The following PPM1E variants were observed in gnomAD, a reference collection of about 807,000 sequenced individuals.
The protein encoded by PPM1E is protein phosphatase 1E.
A neutral mutation model predicts 65.9 loss-of-function variants in PPM1E; 20 were observed. The observed-to-expected ratio is 0.30, with a 90% CI of 0.21 to 0.44. The LOEUF is 0.44. PPM1E is among the 20% of genes least tolerant of loss of function. The probability of loss-of-function intolerance (pLI) is 1.00; values close to 1 mark genes in which losing one functional copy is unlikely to be tolerated. For missense variants in PPM1E, 713 were observed against 953.1 expected (o/e 0.75, Z 3.32); for synonymous variants, 352 against 374.9 (o/e 0.94, Z 0.70).
intron 1 of PPM1E, among the ~76,000 whole-genome samples, chr17:58,887,735 C>A (rs938961629): frequency 6.6e-6 from 1 of 152,138 alleles, no homozygotes; most frequent in African/African-American, 2.4e-5. Flanking sequence ...TTGAATTTTT[C>A]CCTGAGTGAG....
chr17:58,814,105 AAAG>A lies in PPM1E; in HGVS notation c.464+57650_464+57652del, dbSNP rs1475583406. 5.3e-5 allele frequency among the ~76,000 whole-genome samples: 8 copies of A among 152,252 alleles called. No individual in the cohort carries two copies. In the East Asian group the frequency reaches 1.5e-3, roughly 29 times the overall value. ...TAAACAGAGTTTCCAATAACATGCT[AAAG>A]AAGAACACAGGAAAAAGCAGTGAAT... On this transcript the variant is annotated intron_variant, in intron 1 of 6. Coordinates refer to ENST00000308249, the MANE Select transcript of PPM1E (RefSeq NM_014906.5).
At chr17:58,789,615 G>C (rs573135610) in intron 1 of PPM1E, among the ~76,000 whole-genome samples, 1 of 151,996 alleles carries the variant, frequency 6.6e-6, no homozygotes, top group Non-Finnish European at 1.5e-5. Context: ...ATCCACTAGT[G>C]CTTTTCTTGC....
chr17:58,906,456 A>G (rs2051559224), intron 1 of PPM1E, among the ~76,000 whole-genome samples: 1 of 152,086 alleles, frequency 6.6e-6, no homozygotes, highest in Non-Finnish European at 1.5e-5. Flanking sequence ...CTCCCACCTC[A>G]ACCTCCCGAG....
At chr17:58,933,758 T>G (rs1057386507) in intron 1 of PPM1E, among the ~76,000 whole-genome samples, 63 of 148,506 alleles carry the variant, frequency 4.2e-4, no homozygotes, top group African/African-American at 1.6e-3. Context: ...ATCGCACCAT[T>G]GCACTCCAGC....
chr17:58,900,430 T>C (rs1415869220), intron 1 of PPM1E, among the ~76,000 whole-genome samples: 1 of 152,248 alleles, frequency 6.6e-6, no homozygotes, highest in Non-Finnish European at 1.5e-5. Context: ...AAAAAGCTTA[T>C]CACGCTCTGA....
At chr17:58,822,987 C>G (rs531002208) in intron 1 of PPM1E, among the ~76,000 whole-genome samples, 130 of 152,244 alleles carry the variant, frequency 8.5e-4, no homozygotes, top group Non-Finnish European at 1.6e-3. Context: ...AAAAATATGT[C>G]AAGAGAGCTG....
intron 1 of PPM1E, among the ~76,000 whole-genome samples, chr17:58,882,407 T>G (rs891952452): frequency 1.3e-5 from 2 of 152,126 alleles, no homozygotes; most frequent in African/African-American, 2.4e-5. Flanking sequence ...ATTTTTTTTT[T>G]GAGACGGAGT....
chr17:58,803,878 T>C (rs1567838194), intron 1 of PPM1E, among the ~76,000 whole-genome samples: 1 of 152,264 alleles, frequency 6.6e-6, no homozygotes, highest in Non-Finnish European at 1.5e-5. Context: ...TGAATTTAAG[T>C]TGAATAGTAG....
At chr17:58,964,070 A>G (rs965843506) in intron 2 of PPM1E, among the ~76,000 whole-genome samples, 1 of 152,194 alleles carries the variant, frequency 6.6e-6, no homozygotes, top group African/African-American at 2.4e-5. Flanking sequence ...CAAAGACAGG[A>G]CTGAGAATCA....
intron 1 of PPM1E, among the ~76,000 whole-genome samples, chr17:58,763,526 G>T (rs2049843693): frequency 6.6e-6 from 1 of 152,070 alleles, no homozygotes; most frequent in African/African-American, 2.4e-5. Flanking sequence ...ACAAAATCTT[G>T]GTGGGTAGCT....
intron 4 of PPM1E, among the ~76,000 whole-genome samples, chr17:58,971,005 C>T (rs2030575263): frequency 2.6e-5 from 4 of 151,980 alleles, no homozygotes. Flanking sequence ...ATGTTTACCT[C>T]ATTTGTTTTG....
At position 58,984,841 on chromosome 17, in the gene PPM1E, C is replaced by T. The variant is rs1320224843; in HGVS notation, c.*3810C>T. On this transcript the variant is annotated 3_prime_UTR_variant, in exon 7 of 7. Coordinates refer to ENST00000308249, the MANE Select transcript of PPM1E (RefSeq NM_014906.5). ...TGAAATAGGGAACTCCAGACTGACA[C>T]AGCAGTTGTTTTTGAAAAGGAAATA... 1 of 152,396 alleles carries T rather than the reference C, an allele frequency of 6.6e-6. No individual in the cohort carries two copies. The highest frequency in any genetic ancestry group is 1.5e-5 in the Non-Finnish European group (1 of 68,024). The allele number at this position is 152,396 out of a possible 1,614,324, so 9.4% of individuals were successfully genotyped here.
chr17:58,872,001 T>C lies in PPM1E; in HGVS notation c.465-83648T>C, dbSNP rs572282201. ...AAGTTTCAAATGAGATAAAAAGTTA[T>C]AGAAATGCTAATGAGGCTGGGCGTG... On this transcript the variant is annotated intron_variant, in intron 1 of 6. Coordinates refer to ENST00000308249, the MANE Select transcript of PPM1E (RefSeq NM_014906.5). Among the ~76,000 whole-genome samples the C allele has an allele frequency of 2.2e-4, 33 of 152,220 alleles. No individual in the cohort carries two copies. The South Asian group carries it at 3.3e-3, about 15-fold the overall frequency.
At chr17:58,814,293 A>G (rs1206449407) in intron 1 of PPM1E, among the ~76,000 whole-genome samples, 3 of 152,192 alleles carry the variant, frequency 2.0e-5, no homozygotes, top group East Asian at 1.9e-4. Context: ...CCAAGACACC[A>G]ATTTTATTGA....
At chr17:58,877,424 A>G (rs1434091645) in intron 1 of PPM1E, among the ~76,000 whole-genome samples, 1 of 152,230 alleles carries the variant, frequency 6.6e-6, no homozygotes, top group African/African-American at 2.4e-5. Context: ...TGAGACAAAT[A>G]CATCTTTACA....
intron 1 of PPM1E, among the ~76,000 whole-genome samples, chr17:58,873,397 A>G (rs920877545): frequency 1.3e-5 from 2 of 152,094 alleles, no homozygotes; most frequent in African/African-American, 4.8e-5. Flanking sequence ...TTTGAGTCTG[A>G]AATATCAAAC....
At chr17:58,839,732 T>C (rs2050698873) in intron 1 of PPM1E, among the ~76,000 whole-genome samples, 1 of 152,130 alleles carries the variant, frequency 6.6e-6, no homozygotes, top group African/African-American at 2.4e-5. Context: ...AGCCAGGTTT[T>C]TCACTGTTGG....
At chr17:58,900,789 T>C (rs2051489776) in intron 1 of PPM1E, among the ~76,000 whole-genome samples, 1 of 152,176 alleles carries the variant, frequency 6.6e-6, no homozygotes, top group Non-Finnish European at 1.5e-5. Context: ...TTGTTAATGT[T>C]TTCTTATGCA....
intron 1 of PPM1E, among the ~76,000 whole-genome samples, chr17:58,767,080 G>T (rs1333633799): frequency 6.6e-6 from 1 of 152,100 alleles, no homozygotes; most frequent in African/African-American, 2.4e-5. Flanking sequence ...TTCTGTAAGA[G>T]TTAACAGTGT....
Sources: allele counts gnomAD v4.1 joint callset (sites outside exome capture counted in the v4.1 genomes callset), GRCh38; gene constraint gnomAD v4.1.1; transcripts MANE v1.5; gene names NCBI Gene and HGNC (gene_info 2026-07-23, HGNC 2026-07-21).